The following SH3RF3 variants were observed in gnomAD, a reference collection of about 807,000 sequenced individuals.
SH3RF3 encodes E3 ubiquitin-protein ligase SH3RF3.
SH3RF3 carries 29 observed loss-of-function variants against 66.3 expected under a neutral mutation model. That is an observed-to-expected ratio of 0.44 (90% CI 0.33 to 0.60). The LOEUF (loss-of-function observed/expected upper bound fraction) is 0.60. SH3RF3 is among the 20% of genes least tolerant of loss of function. The pLI, the probability that SH3RF3 is intolerant of heterozygous loss-of-function variation, is 0.04. For synonymous variants in SH3RF3, 583 were observed against 532.0 expected (o/e 1.10, Z -1.32); for missense variants, 1,194 against 1,190.9 (o/e 1.00, Z -0.04).
chr2:109,394,674 G>A (rs2104424766), intron 3 of SH3RF3, among the ~76,000 whole-genome samples: 1 of 152,354 alleles, frequency 6.6e-6, no homozygotes, highest in African/African-American at 2.4e-5. Flanking sequence ...CATCTATGTA[G>A]GAGGGGGACG....
chr2:109,370,111 A>T (rs950416077), intron 2 of SH3RF3, among the ~76,000 whole-genome samples: 1 of 152,078 alleles, frequency 6.6e-6, no homozygotes, highest in African/African-American at 2.4e-5. Flanking sequence ...CGAAGGAGGG[A>T]TGGTTCCGGA....
In SH3RF3 at chr2:109,176,034, ACT is replaced by A. The variant is rs373999899; in HGVS notation, c.573+45924_573+45925del. Among the ~76,000 whole-genome samples the A allele has an allele frequency of 7.8e-4, 119 of 152,148 alleles. 1 individual carries two copies. The highest frequency in any genetic ancestry group is 2.7e-3 in the African/African-American group (113 of 41,506). Reference sequence around the variant, plus strand: ...ATATTCTGCATGTTATATCCTTGAGACTCTGTCTTCACTGGGGGCCTAGCTCC... The same window carrying A: ...ATATTCTGCATGTTATATCCTTGAGACTGTCTTCACTGGGGGCCTAGCTCC... On this transcript the variant is annotated intron_variant, in intron 1 of 9. Transcript: ENST00000309415.
chr2:109,497,764 T>C (rs1679292003), intron 9 of SH3RF3, among the ~76,000 whole-genome samples: 1 of 152,260 alleles, frequency 6.6e-6, no homozygotes, highest in Non-Finnish European at 1.5e-5. Context: ...CATTAAATCA[T>C]TGAATTGCTC....
At chr2:109,197,432 T>C (rs1385853397) in intron 1 of SH3RF3, among the ~76,000 whole-genome samples, 11 of 152,178 alleles carry the variant, frequency 7.2e-5, no homozygotes, top group Non-Finnish European at 1.6e-4. Flanking sequence ...ATTTCTCTTA[T>C]CTTGTTTCTT....
At chr2:109,284,251 TG>T (rs1680966625) in intron 1 of SH3RF3, among the ~76,000 whole-genome samples, 1 of 152,212 alleles carries the variant, frequency 6.6e-6, no homozygotes, top group African/African-American at 2.4e-5. Context: ...GTCATTTTGG[TG>T]GGTGTTCATT....
At chr2:109,459,364 A>G (rs1403507742) in intron 8 of SH3RF3, among the ~76,000 whole-genome samples, 1 of 152,156 alleles carries the variant, frequency 6.6e-6, no homozygotes, top group East Asian at 1.9e-4. Context: ...TCCAATCTGT[A>G]TTCCCCTTCC....
In SH3RF3 at chr2:109,376,848, G is replaced by A. The variant is rs116020429; in HGVS notation, c.945+5167G>A. Among the ~76,000 whole-genome samples the A allele has an allele frequency of 7.0e-3, 1,062 of 152,316 alleles. 12 individuals carry two copies. Among genetic ancestry groups the A allele is most frequent in the African/African-American group, 0.024 (988 of 41,580 alleles). ...CTCAGCATCTCTGACAGTAAAGGGC[G>A]GGGAGGAAGAACCCCTTCCTTTGTT... On this transcript the variant is annotated intron_variant, in intron 3 of 9. Transcript: ENST00000309415.
intron 1 of SH3RF3, among the ~76,000 whole-genome samples, chr2:109,172,714 C>T (rs941569475): frequency 2.6e-5 from 4 of 152,214 alleles, no homozygotes; most frequent in Admixed American, 2.0e-4. Flanking sequence ...GGACACATGT[C>T]TGCCCATGTT....
intron 8 of SH3RF3, among the ~76,000 whole-genome samples, chr2:109,486,267 C>T (rs1486185819): frequency 6.6e-6 from 1 of 152,156 alleles, no homozygotes; most frequent in Non-Finnish European, 1.5e-5. Context: ...ATTTCAGACC[C>T]ACAGAAGCAA....
intron 1 of SH3RF3, among the ~76,000 whole-genome samples, chr2:109,247,741 C>T (rs1032348069): frequency 6.6e-6 from 1 of 152,190 alleles, no homozygotes; most frequent in African/African-American, 2.4e-5. Flanking sequence ...TGCTGTATAA[C>T]AGAAACCCAA....
intron 1 of SH3RF3, among the ~76,000 whole-genome samples, chr2:109,175,759 A>C (rs968519734): frequency 2.0e-5 from 3 of 152,248 alleles, no homozygotes; most frequent in Admixed American, 6.5e-5. Flanking sequence ...GTGTAATTGT[A>C]ATCTATTGGC....
At chr2:109,401,976 A>G (rs1010587926) in intron 4 of SH3RF3, among the ~76,000 whole-genome samples, 7 of 152,218 alleles carry the variant, frequency 4.6e-5, no homozygotes, top group African/African-American at 7.2e-5. Context: ...TGGCCAGGCT[A>G]CTGACTTTAG....
Position 109,410,785 on chromosome 2 carries a change from G to T in SH3RF3, c.1300-8754G>T, listed in dbSNP as rs193095692. Among the ~76,000 whole-genome samples the T allele has an allele frequency of 2.9e-4, 44 of 152,342 alleles. 1 individual carries two copies. The highest frequency in any genetic ancestry group is 9.4e-4 in the African/African-American group (39 of 41,580). On this transcript the variant is annotated intron_variant, in intron 4 of 9. Coordinates refer to ENST00000309415, the MANE Select transcript of SH3RF3 (RefSeq NM_001099289.3). Reference sequence around the variant, plus strand: ...TATTATAGTCAGAGCCCTTTCCTGGGCATGGGCTGCTAGGCGCGACTTCGT... The same window carrying T: ...TATTATAGTCAGAGCCCTTTCCTGGTCATGGGCTGCTAGGCGCGACTTCGT...
intron 1 of SH3RF3, among the ~76,000 whole-genome samples, chr2:109,270,073 G>C (rs948194132): frequency 2.0e-5 from 3 of 152,212 alleles, no homozygotes; most frequent in Non-Finnish European, 4.4e-5. Context: ...CCGTGAGCTT[G>C]GCTGCCGTGG....
chr2:109,474,092 C>T (rs1229915543), intron 8 of SH3RF3, among the ~76,000 whole-genome samples: 2 of 152,108 alleles, frequency 1.3e-5, no homozygotes, highest in African/African-American at 4.8e-5. Context: ...ATTTGATGCA[C>T]AGTCTGGGCC....
At chr2:109,196,054 G>T (rs1678491945) in intron 1 of SH3RF3, among the ~76,000 whole-genome samples, 1 of 152,240 alleles carries the variant, frequency 6.6e-6, no homozygotes, top group Admixed American at 6.5e-5. Context: ...TCCAGGTGAT[G>T]TCGAAGGGCT....
At chr2:109,235,179 G>A (rs553751223) in intron 1 of SH3RF3, among the ~76,000 whole-genome samples, 102 of 152,142 alleles carry the variant, frequency 6.7e-4, no homozygotes, top group Non-Finnish European at 1.3e-3. Context: ...ACTTCAGAGC[G>A]GGAGGAACCT....
intron 7 of SH3RF3, among the ~76,000 whole-genome samples, chr2:109,438,886 G>A (rs941890557): frequency 2.0e-5 from 3 of 152,138 alleles, no homozygotes; most frequent in African/African-American, 7.2e-5. Context: ...GGTCCCTTCT[G>A]GTTATAAACA....
intron 4 of SH3RF3, among the ~76,000 whole-genome samples, chr2:109,416,227 C>T (rs889171267): frequency 2.0e-5 from 3 of 152,152 alleles, no homozygotes; most frequent in East Asian, 1.9e-4. Flanking sequence ...CTCCCAGCCA[C>T]GCCCAGCCCA....
Sources: gnomAD v4.1 joint callset for allele counts (sites outside exome capture counted in the v4.1 genomes callset) on GRCh38, gnomAD v4.1.1 for gene constraint, MANE v1.5 for transcripts, NCBI Gene and HGNC (gene_info 2026-07-23, HGNC 2026-07-21) for gene names.